The following GPR137B variants were observed in gnomAD, a reference collection of about 807,000 sequenced individuals.
GPR137B encodes G protein-coupled receptor 137B.
GPR137B carries 42 observed loss-of-function variants against 42.5 expected under a neutral mutation model. The observed-to-expected ratio is 0.99, with a 90% confidence interval of 0.77 to 1.28. The LOEUF (loss-of-function observed/expected upper bound fraction) is 1.28, where lower values mean the gene tolerates loss of function less well. GPR137B is among the 50% of genes most tolerant of loss of function. The pLI is 0.00. For missense variants in GPR137B, 487 were observed against 493.9 expected, an observed-to-expected ratio of 0.99 and a Z score of 0.13; for synonymous variants, 218 against 209.7, an observed-to-expected ratio of 1.04 and a Z score of -0.34.
At chr1:236,184,100 T>C (rs1051995821) in intron 5 of GPR137B, among the ~76,000 whole-genome samples, 194 bp downstream of exon 5, 2 of 152,206 alleles carry the variant, frequency 1.3e-5, no homozygotes, top group African/African-American at 4.8e-5. Context: ...AGCTTAGTTT[T>C]ATTTTACAAA....
chr1:236,150,855 T>C lies in GPR137B; in HGVS notation c.414+7819T>C, dbSNP rs924831203. On this transcript the variant is annotated intron_variant, in intron 1 of 6. Coordinates refer to ENST00000366592, the MANE Select transcript of GPR137B (RefSeq NM_003272.4). This position sits in a 1 kb window ranked among gnomAD's most constrained non-coding sequence, Gnocchi z 6.2. Reference sequence around the variant, plus strand: ...TCAGTGGAGTTCCAGGGCCCAGCCATGGCTGTCCCGCTGCTGCTGTGCCCA... The same window carrying C: ...TCAGTGGAGTTCCAGGGCCCAGCCACGGCTGTCCCGCTGCTGCTGTGCCCA... Among the ~76,000 whole-genome samples, 1 of 152,184 alleles carries C rather than the reference T, an allele frequency of 6.6e-6. No homozygotes were observed. The highest frequency in any genetic ancestry group is 1.5e-5 in the Non-Finnish European group (1 of 68,030).
At chr1:236,207,824 A>G (rs1316164623) in intron 6 of GPR137B, among the ~76,000 whole-genome samples, 1 of 152,022 alleles carries the variant, frequency 6.6e-6, no homozygotes, top group African/African-American at 2.4e-5. Context: ...TTCTCTAGTC[A>G]TGCTGTATAC....
intron 2 of GPR137B, among the ~76,000 whole-genome samples, chr1:236,177,899 C>CTGATGTGG (rs1427824591): frequency 6.6e-6 from 1 of 151,818 alleles, no homozygotes; most frequent in African/African-American, 2.4e-5. Flanking sequence ...CTCTGGACTC[C>CTGATGTGG]ACATCAATAA....
chr1:236,156,152 CA>C lies in GPR137B; in HGVS notation c.415-12553del, dbSNP rs1422063961. 2.0e-5 allele frequency among the ~76,000 whole-genome samples: 3 copies of C among 152,214 alleles called. No individual in the cohort carries two copies. Among genetic ancestry groups the C allele is most frequent in the African/African-American group, 7.2e-5 (3 of 41,462 alleles). On this transcript the variant is annotated intron_variant, in intron 1 of 6. Transcript: ENST00000366592. This position sits in a 1 kb window ranked among gnomAD's most constrained non-coding sequence, Gnocchi z 4.8. ...GAAGCAATTATGGTTGGCTTCTGAT[CA>C]CGTGGGAAGAAGCTCACTGAAGTCT...
chr1:236,178,785 G>GGTTTTTTTTTTTTTTTTTTTTT lies in GPR137B; in HGVS notation c.687+149_687+150insGTTTTTTTTTTTTTTTTTTTTT, dbSNP rs1662771288. ...GTCTCCCACACAGGGGCTACTCGAG[G>GGTTTTTTTTTTTTTTTTTTTTT]TTTTTTTTTTTTTTTTTTTTTTTTT... On this transcript the variant is annotated intron_variant, in intron 3 of 6. Transcript: ENST00000366592. 6 of 48,326 alleles carry GGTTTTTTTTTTTTTTTTTTTTT rather than the reference G, an allele frequency of 1.2e-4. 1 individual carries two copies. The highest frequency in any genetic ancestry group is 3.9e-4 in the African/African-American group (6 of 15,266). The allele number at this position is 48,326 out of a possible 1,614,324, so 3.0% of individuals were successfully genotyped here.
chr1:236,208,272 G>A lies in GPR137B; in HGVS notation c.*114G>A. 1 of 1,480,000 alleles carries A rather than the reference G, an allele frequency of 6.8e-7. No homozygotes were observed. Among genetic ancestry groups the A allele is most frequent in the Non-Finnish European group, 8.9e-7 (1 of 1,119,486 alleles). The allele number at this position is 1,480,000 out of a possible 1,614,324, so 91.7% of individuals were successfully genotyped here. A position where few individuals can be genotyped will look rare whatever the true frequency, so the allele number is the denominator to read the frequency against. ...AAGAAATAGAACTTGATTTTTATTT[G>A]TTACAGGTTTCCAATGGCCCCATAG... On this transcript the variant is annotated 3_prime_UTR_variant, in exon 7 of 7. Transcript: ENST00000366592.
chr1:236,203,308 ACCTCATGATCTG>A (rs1394309335), intron 5 of GPR137B, among the ~76,000 whole-genome samples: 1 of 151,994 alleles, frequency 6.6e-6, no homozygotes, highest in Non-Finnish European at 1.5e-5. Flanking sequence ...TGATCTCCTG[ACCTCATGATCTG>A]CCTGCCTCAG....
chr1:236,160,312 GC>G (rs2102897891), intron 1 of GPR137B, among the ~76,000 whole-genome samples: 1 of 152,244 alleles, frequency 6.6e-6, no homozygotes, highest in Non-Finnish European at 1.5e-5. Context: ...AGGAAGTGGG[GC>G]TCATTTACCA....
intron 1 of GPR137B, among the ~76,000 whole-genome samples, chr1:236,163,647 G>A (rs942721749): frequency 6.6e-6 from 1 of 152,112 alleles, no homozygotes; most frequent in African/African-American, 2.4e-5. Context: ...GGTTTATCAG[G>A]GGTTTCCGCT....
intron 5 of GPR137B, among the ~76,000 whole-genome samples, chr1:236,190,504 G>A (rs1476674183): frequency 1.3e-5 from 2 of 152,172 alleles, no homozygotes; most frequent in African/African-American, 4.8e-5. Context: ...GCTTCCTTCA[G>A]GAGGTCTTGT....
At chr1:236,182,461 A>C (rs1006079193) in intron 4 of GPR137B, among the ~76,000 whole-genome samples, 3 of 152,098 alleles carry the variant, frequency 2.0e-5, no homozygotes, top group Non-Finnish European at 2.9e-5. Context: ...AAAACAACAA[A>C]AAAAATTTAT....
chr1:236,198,268 G>A (rs1663396835), intron 5 of GPR137B, among the ~76,000 whole-genome samples: 1 of 151,718 alleles, frequency 6.6e-6, no homozygotes. Flanking sequence ...GCAGTGGTGT[G>A]ATATTGGCTC....
At chr1:236,178,025 C>T (rs12092022) in intron 2 of GPR137B, among the ~76,000 whole-genome samples, 4,816 of 152,170 alleles carry the variant, frequency 0.032, 287 homozygotes, top group African/African-American at 0.11. Flanking sequence ...GGAACCAAGG[C>T]TCAAGAGGTT....
rs182616830 is a variant in GPR137B at position 236,150,401 on chromosome 1, G to A, written c.414+7365G>A. 5.3e-5 allele frequency among the ~76,000 whole-genome samples: 8 copies of A among 152,204 alleles called. No individual in the cohort carries two copies. Among genetic ancestry groups the A allele is most frequent in the Non-Finnish European group, 8.8e-5 (6 of 68,000 alleles). On this transcript the variant is annotated intron_variant, in intron 1 of 6. Transcript: ENST00000366592. This position sits in a 1 kb window ranked among gnomAD's most constrained non-coding sequence, Gnocchi z 6.2. ...CTGCCGTTCACCCCCAGCACCTCCC[G>A]CAGGCCACTTTCTAAACATACAGCC...
At position 236,179,863 on chromosome 1, in the gene GPR137B, G is replaced by A; in HGVS notation, c.688-16G>A. On this transcript the variant is annotated splice_polypyrimidine_tract_variant and intron_variant, in intron 3 of 6. Transcript: ENST00000366592. ...GGACCTGGAGTGTCCCATACCTTCT[G>A]CTCCCTCTTTTCCAGGGCTCCTCCG... 6.4e-7 allele frequency: 1 copy of A among 1,559,886 alleles called. No homozygotes were observed. Among genetic ancestry groups the A allele is most frequent in the Non-Finnish European group, 8.7e-7 (1 of 1,153,806 alleles).
At chr1:236,184,905 T>C (rs1485126059) in intron 5 of GPR137B, among the ~76,000 whole-genome samples, 1 of 152,146 alleles carries the variant, frequency 6.6e-6, no homozygotes, top group Non-Finnish European at 1.5e-5. Context: ...TAGCTGGGAA[T>C]ACAGATGCAC....
intron 4 of GPR137B, chr1:236,180,234 A>C: frequency 1.9e-6 from 1 of 530,074 alleles, no homozygotes; most frequent in Non-Finnish European, 3.4e-6. Context: ...ATACAACACA[A>C]ATGCTATGTA....
chr1:236,191,501 G>T (rs577026989), intron 5 of GPR137B, among the ~76,000 whole-genome samples: 1 of 152,144 alleles, frequency 6.6e-6, no homozygotes, highest in Non-Finnish European at 1.5e-5. Context: ...GGTCTTTGAT[G>T]TTGGTGACCT....
intron 5 of GPR137B, among the ~76,000 whole-genome samples, chr1:236,185,665 C>T (rs1389607616): frequency 6.6e-6 from 1 of 152,152 alleles, no homozygotes; most frequent in Non-Finnish European, 1.5e-5. Flanking sequence ...AAGCGATTCT[C>T]TTGCCTTAGT....
Sources: gnomAD v4.1 joint callset for allele counts (sites outside exome capture counted in the v4.1 genomes callset) on GRCh38, gnomAD v4.1.1 for gene constraint, Gnocchi (gnomAD v3.1) non-coding constraint, MANE v1.5 for transcripts, NCBI Gene and HGNC (gene_info 2026-07-23, HGNC 2026-07-21) for gene names.